C12orf50: variants seen among roughly 807,000 people sequenced by gnomAD.
C12orf50 encodes the protein zinc finger CCCH-type containing 11D.
Under a neutral mutation model 61.6 loss-of-function variants are expected in C12orf50, and 35 were observed. That is an observed-to-expected ratio of 0.57 (90% CI 0.43 to 0.75). C12orf50 has a LOEUF of 0.75. C12orf50 is among the 30% of genes least tolerant of loss of function. C12orf50 has a pLI of 0.00. For synonymous variants in C12orf50, 178 were observed against 161.5 expected (o/e 1.10, Z -0.77); for missense variants, 475 against 488.5 (o/e 0.97, Z 0.26).
intron 3 of C12orf50, among the ~76,000 whole-genome samples, chr12:87,998,763 A>T (rs964696574): frequency 6.6e-6 from 1 of 152,256 alleles, no homozygotes; most frequent in African/African-American, 2.4e-5. Context: ...TCGATGTATC[A>T]TTGGAATAGG....
intron 3 of C12orf50, 65 bp downstream of exon 3, chr12:88,026,423 T>G (rs1195227440): frequency 5.8e-6 from 9 of 1,541,992 alleles, no homozygotes; most frequent in South Asian, 1.2e-5. Flanking sequence ...TGTGTCATTC[T>G]ATGCTGCTAG....
chr12:87,981,478 T>C (rs989541066), intron 12 of C12orf50, among the ~76,000 whole-genome samples: 1 of 152,160 alleles, frequency 6.6e-6, no homozygotes, highest in African/African-American at 2.4e-5. Context: ...ATGGAGATCC[T>C]ACATTTTAAA....
rs1274969438 is a variant in C12orf50, at chr12:87,998,098, T to C, written c.226A>G (p.Ile76Val). ...LKPQENISRP[I>V]HHPLVLKTNF... Reference sequence around the variant, plus strand: ...GTTTTTAAAACTAAAGGATGGTGGATGGGTCGTGATATATTTTCCTGAGGT... The same window carrying C: ...GTTTTTAAAACTAAAGGATGGTGGACGGGTCGTGATATATTTTCCTGAGGT... Residue 76 changes from isoleucine (I) to valine (V), a missense_variant, in exon 4 of 13, where the codon ATC (isoleucine) becomes GTC (valine). Transcript: ENST00000298699. The C allele has an allele frequency of 9.3e-6, 15 of 1,612,960 alleles. No individual in the cohort carries two copies. The highest frequency in any genetic ancestry group is 1.3e-5 in the African/African-American group (1 of 74,890).
chr12:87,987,908 C>T lies in C12orf50; in HGVS notation c.759G>A (p.Thr253=), dbSNP rs776651485. ...TATTCTCAGTAGCATTTAATACATGCGTTGTAGGTACTAGTCGGGTAGTTA... is the reference window on the plus strand; with the variant it reads ...TATTCTCAGTAGCATTTAATACATGTGTTGTAGGTACTAGTCGGGTAGTTA... ...HSLTTRLVPT[T]HVLNATENIS... Residue 253 remains threonine (T), a synonymous_variant, in exon 9 of 13, where the codon ACG becomes ACA. Transcript: ENST00000298699. 18 of 1,611,682 alleles carry T rather than the reference C, an allele frequency of 1.1e-5. No individual in the cohort carries two copies. The highest frequency in any genetic ancestry group is 9.9e-5 in the South Asian group (9 of 90,932).
chr12:88,025,367 A>G (rs2032663555), intron 3 of C12orf50, among the ~76,000 whole-genome samples: 1 of 152,136 alleles, frequency 6.6e-6, no homozygotes, highest in South Asian at 2.1e-4. Flanking sequence ...TCTTATTAAA[A>G]GTTTCTCAGT....
At chr12:87,998,536 G>A (rs1316208137) in intron 3 of C12orf50, among the ~76,000 whole-genome samples, 1 of 152,020 alleles carries the variant, frequency 6.6e-6, no homozygotes, top group East Asian at 1.9e-4. Flanking sequence ...AGAAGTTAAA[G>A]AAATGTTGAA....
Position 87,984,694 on chromosome 12 carries a change from G to A in C12orf50, c.1126+1156C>T, listed in dbSNP as rs183753767. On this transcript the variant is annotated intron_variant, in intron 11 of 12. Coordinates refer to ENST00000298699, the MANE Select transcript of C12orf50 (RefSeq NM_152589.3). ...TTTTCAAATATTACTATGCAGCTGT[G>A]TTCTCAAAGCATGATCCGTAATACC... is the stretch of plus-strand genomic sequence containing the variant. The A allele has an allele frequency of 3.3e-5, 5 of 152,236 alleles. No homozygotes were observed. The East Asian group carries it at 9.7e-4, about 29-fold the overall frequency. The allele number at this position is 152,236 out of a possible 1,614,324, so 9.4% of individuals were successfully genotyped here.
At chr12:87,986,220 T>C (rs2030812736) in intron 10 of C12orf50, 92 bp downstream of exon 10, 6 of 1,223,172 alleles carry the variant, frequency 4.9e-6, no homozygotes, top group Non-Finnish European at 6.8e-6. Context: ...TTACGTCACA[T>C]GACAGTAATT....
chr12:87,983,380 G>T (rs1565737228), intron 11 of C12orf50, 185 bp from the exon 12 acceptor site: 10 of 343,128 alleles, frequency 2.9e-5, no homozygotes, highest in South Asian at 6.1e-5. Flanking sequence ...AAGTGAGCAT[G>T]TTTTTTTTTG....
At chr12:88,026,112 C>T (rs1592689759) in intron 3 of C12orf50, among the ~76,000 whole-genome samples, 1 of 152,148 alleles carries the variant, frequency 6.6e-6, no homozygotes, top group South Asian at 2.1e-4. Flanking sequence ...TACGAGATAG[C>T]TTTCCGCACA....
intron 2 of C12orf50, among the ~76,000 whole-genome samples, 171 bp from the exon 3 acceptor site, chr12:88,026,779 A>G (rs1434093646): frequency 6.6e-6 from 1 of 152,252 alleles, no homozygotes; most frequent in Non-Finnish European, 1.5e-5. Flanking sequence ...CAAAAGATGG[A>G]ATGGGTATTT....
chr12:87,995,444 G>A (rs979858273), intron 6 of C12orf50, among the ~76,000 whole-genome samples: 4 of 151,980 alleles, frequency 2.6e-5, no homozygotes, highest in Non-Finnish European at 5.9e-5. Context: ...TTATTCTCTC[G>A]AACAATTCAG....
intron 11 of C12orf50, 152 bp downstream of exon 11, chr12:87,985,698 T>A: frequency 1.4e-6 from 1 of 730,692 alleles, no homozygotes; most frequent in African/African-American, 1.8e-5. Context: ...GGACTGCACA[T>A]GGAAGAAATC....
At chr12:88,026,926 A>C (rs1413943292) in intron 2 of C12orf50, 25 bp downstream of exon 2, 1 of 1,600,582 alleles carries the variant, frequency 6.2e-7, no homozygotes, top group African/African-American at 1.4e-5. Context: ...TTTTTGACAA[A>C]AATGATGACG....
intron 3 of C12orf50, among the ~76,000 whole-genome samples, chr12:88,017,221 A>G (rs554678283): frequency 3.9e-5 from 6 of 152,308 alleles, no homozygotes; most frequent in Non-Finnish European, 8.8e-5. Flanking sequence ...AGGTAATTGA[A>G]TCATGGGGGC....
intron 3 of C12orf50, among the ~76,000 whole-genome samples, chr12:88,016,869 A>G (rs117676326): frequency 0.014 from 2,182 of 152,348 alleles, 27 homozygotes; most frequent in Admixed American, 0.026. Flanking sequence ...ATAAGAAAGT[A>G]GAACAAGGCA....
chr12:88,005,491 A>G (rs945635460), intron 3 of C12orf50, among the ~76,000 whole-genome samples: 1 of 152,074 alleles, frequency 6.6e-6, no homozygotes, highest in Non-Finnish European at 1.5e-5. Flanking sequence ...GTAATGCCCC[A>G]TTGTTTTCAT....
In C12orf50 at chr12:87,983,097, A is replaced by G. The variant is rs774220741; in HGVS notation, c.1219+6T>C. Reference sequence around the variant, plus strand: ...TGATACATTAAAACCACTTATAAATAGTTACCTGGATATATCTTTTCACTT... The same window carrying G: ...TGATACATTAAAACCACTTATAAATGGTTACCTGGATATATCTTTTCACTT... On this transcript the variant is annotated splice_donor_region_variant and intron_variant, in intron 12 of 12. Transcript: ENST00000298699. 2 of 1,520,554 alleles carry G rather than the reference A, an allele frequency of 1.3e-6. No homozygotes were observed. Among genetic ancestry groups the G allele is most frequent in the South Asian group, 1.2e-5 (1 of 85,390 alleles). The allele number at this position is 1,520,554 out of a possible 1,614,324, so 94.2% of individuals were successfully genotyped here. A position where few individuals can be genotyped will look rare whatever the true frequency, so the allele number is the denominator to read the frequency against.
intron 8 of C12orf50, 78 bp downstream of exon 8, chr12:87,989,186 G>T (rs1592649275): frequency 9.8e-7 from 1 of 1,020,790 alleles, no homozygotes; most frequent in Non-Finnish European, 1.5e-6. Context: ...TCCTCTATTG[G>T]TTTTTATAAC....
Sources: allele counts gnomAD v4.1 joint callset (sites outside exome capture counted in the v4.1 genomes callset), GRCh38; gene constraint gnomAD v4.1.1; transcripts MANE v1.5; gene names NCBI Gene and HGNC (gene_info 2026-07-23, HGNC 2026-07-21).